Variants in SLC35F1 observed in about 807,000 individuals in gnomAD.
SLC35F1 encodes chromosome 6 open reading frame 169.
In SLC35F1, 14 loss-of-function variants were observed where a neutral mutation model predicts 48.7. The ratio of observed to expected loss-of-function variants is 0.29; its 90% CI spans 0.19 to 0.45. The LOEUF is 0.45. Ranked by LOEUF, SLC35F1 falls within the 20% of genes least tolerant of loss-of-function variation. The pLI is 1.00. For missense variants in SLC35F1, 404 were observed against 500.0 expected (o/e 0.81, Z 1.83); for synonymous variants, 190 against 202.2 (o/e 0.94, Z 0.51).
intron 2 of SLC35F1, among the ~76,000 whole-genome samples, chr6:118,196,196 G>A (rs1406006849): frequency 6.6e-6 from 1 of 152,220 alleles, no homozygotes; most frequent in Non-Finnish European, 1.5e-5. Context: ...AGCAGTGAGT[G>A]AGTGGTTGAA....
chr6:118,144,668 C>A (rs972688079), intron 1 of SLC35F1, among the ~76,000 whole-genome samples: 1 of 150,774 alleles, frequency 6.6e-6, no homozygotes, highest in Non-Finnish European at 1.5e-5. Flanking sequence ...GTTCACATCC[C>A]AGGGGGATAT....
chr6:118,189,492 G>A (rs769256804), intron 2 of SLC35F1, among the ~76,000 whole-genome samples: 12 of 152,044 alleles, frequency 7.9e-5, no homozygotes, highest in Admixed American at 7.2e-4. Flanking sequence ...CTGTATAAAT[G>A]TCTTACTATA....
intron 1 of SLC35F1, among the ~76,000 whole-genome samples, chr6:118,152,583 C>G (rs561451262): frequency 6.6e-5 from 10 of 152,302 alleles, no homozygotes; most frequent in Admixed American, 2.6e-4. Context: ...GGCTGGATTT[C>G]TCTTTTTTCC....
chr6:117,949,664 G>A (rs1279549937), intron 1 of SLC35F1, among the ~76,000 whole-genome samples: 1 of 152,042 alleles, frequency 6.6e-6, no homozygotes, highest in Non-Finnish European at 1.5e-5. Flanking sequence ...TCGCCTTCAG[G>A]TTGGACACAG....
chr6:118,300,648 G>C (rs536943192), intron 7 of SLC35F1, among the ~76,000 whole-genome samples: 1 of 152,224 alleles, frequency 6.6e-6, no homozygotes, highest in South Asian at 2.1e-4. Flanking sequence ...AATGGTTTAT[G>C]ATCAGTTTTA....
chr6:117,951,996 G>A lies in SLC35F1; in HGVS notation c.173+44097G>A, dbSNP rs578035445. Among the ~76,000 whole-genome samples, 7 of 152,360 alleles carry A rather than the reference G, an allele frequency of 4.6e-5. No homozygotes were observed. The South Asian group carries it at 1.5e-3, about 32-fold the overall frequency. On this transcript the variant is annotated intron_variant, in intron 1 of 7. Coordinates refer to ENST00000360388, the MANE Select transcript of SLC35F1 (RefSeq NM_001029858.4). The stretch of plus-strand genomic sequence containing the variant: ...CTGGAGTGAATGCTGCCTGAGTTGT[G>A]GCTGCCAGCCGGCAGCCTGCCTCAT...
Position 118,267,148 on chromosome 6 carries a change from G to A in SLC35F1, c.631G>A (p.Gly211Arg). The change falls in exon 4 of 8, where the codon GGA becomes AGA. Residue 211 changes from glycine to arginine, a missense_variant. Physicochemically the swap from Gly to Arg is moderately radical, Grantham distance 125. Transcript: ENST00000360388. ...AGATGTGCTTGTGGGAAGACATCAGGGAGCAGGTGAGTCTTCGGATGTTCA... is the reference window on the plus strand; with the variant it reads ...AGATGTGCTTGTGGGAAGACATCAGAGAGCAGGTGAGTCTTCGGATGTTCA... ...GADVLVGRHQ[G>R]AGENKLVGDL... The A allele has an allele frequency of 6.2e-7, 1 of 1,613,928 alleles. No individual in the cohort carries two copies. Among genetic ancestry groups the A allele is most frequent in the Non-Finnish European group, 8.5e-7 (1 of 1,179,860 alleles).
intron 1 of SLC35F1, among the ~76,000 whole-genome samples, chr6:117,977,246 G>C (rs552067777): frequency 4.6e-4 from 69 of 150,756 alleles, no homozygotes; most frequent in Non-Finnish European, 9.6e-4. Flanking sequence ...ACCCAGGCTG[G>C]AGTGCAATGG....
At chr6:118,125,813 C>T (rs1773616149) in intron 1 of SLC35F1, among the ~76,000 whole-genome samples, 1 of 152,190 alleles carries the variant, frequency 6.6e-6, no homozygotes, top group African/African-American at 2.4e-5. Flanking sequence ...TAATATGTGA[C>T]CTCATTGATA....
intron 1 of SLC35F1, among the ~76,000 whole-genome samples, chr6:118,081,696 G>C (rs186294955): frequency 6.6e-6 from 1 of 152,156 alleles, no homozygotes; most frequent in African/African-American, 2.4e-5. Context: ...TCTGCAAATG[G>C]TATAATCTGG....
At chr6:118,006,064 A>G (rs559846044) in intron 1 of SLC35F1, among the ~76,000 whole-genome samples, 1 of 152,336 alleles carries the variant, frequency 6.6e-6, no homozygotes, top group East Asian at 1.9e-4. Flanking sequence ...CCCTGAGGGA[A>G]AAATCTATGA....
At chr6:118,168,145 CCTCTTGCCCCAACTAT>C (rs1774346592) in intron 2 of SLC35F1, among the ~76,000 whole-genome samples, 1 of 152,178 alleles carries the variant, frequency 6.6e-6, no homozygotes, top group Non-Finnish European at 1.5e-5. Flanking sequence ...CTTCCCCTCA[CCTCTTGCCCCAACTAT>C]CTCTCTTGGA....
At chr6:118,130,566 GA>G (rs1418239939) in intron 1 of SLC35F1, among the ~76,000 whole-genome samples, 1 of 152,136 alleles carries the variant, frequency 6.6e-6, no homozygotes, top group East Asian at 1.9e-4. Context: ...TGTAATTCAA[GA>G]AAAGTTACTA....
chr6:118,049,563 C>G (rs1562274623), intron 1 of SLC35F1, among the ~76,000 whole-genome samples: 1 of 151,542 alleles, frequency 6.6e-6, no homozygotes. Context: ...AGGATATGAA[C>G]AGACACTTCT....
rs145880824 is a variant in SLC35F1 at position 118,249,789 on chromosome 6, G to A, written c.477+14153G>A. 4.6e-4 allele frequency among the ~76,000 whole-genome samples: 70 copies of A among 152,208 alleles called. 1 individual carries two copies. The East Asian group carries it at 0.01, about 23-fold the overall frequency. ...TGTTTATGTCTTCTGAGTTGGGGCCGTTTCTAATTCAAGAGCCTTTGAACA... is the reference window on the plus strand; with the variant it reads ...TGTTTATGTCTTCTGAGTTGGGGCCATTTCTAATTCAAGAGCCTTTGAACA... On this transcript the variant is annotated intron_variant, in intron 3 of 7. Coordinates refer to ENST00000360388, the MANE Select transcript of SLC35F1 (RefSeq NM_001029858.4).
At chr6:118,089,437 T>C (rs1773040316) in intron 1 of SLC35F1, among the ~76,000 whole-genome samples, 1 of 152,204 alleles carries the variant, frequency 6.6e-6, no homozygotes. Flanking sequence ...AGCCTTTTGC[T>C]AAAGGAATTA....
At chr6:117,995,938 A>T (rs1315674585) in intron 1 of SLC35F1, among the ~76,000 whole-genome samples, 7 of 152,148 alleles carry the variant, frequency 4.6e-5, no homozygotes, top group African/African-American at 7.2e-5. Flanking sequence ...CACAAGAGCA[A>T]ATTACTATTG....
intron 1 of SLC35F1, among the ~76,000 whole-genome samples, chr6:118,030,441 A>T (rs878858668): frequency 6.6e-6 from 1 of 152,232 alleles, no homozygotes. Flanking sequence ...TGGTCAGAGT[A>T]GTTTCTCATC....
chr6:118,017,289 C>A (rs941702145), intron 1 of SLC35F1, among the ~76,000 whole-genome samples: 3 of 152,172 alleles, frequency 2.0e-5, no homozygotes, highest in East Asian at 1.9e-4. Context: ...AAGGGGCAAG[C>A]AAATCCATAC....
Sources: allele counts gnomAD v4.1 joint callset (sites outside exome capture counted in the v4.1 genomes callset), GRCh38; gene constraint gnomAD v4.1.1; transcripts MANE v1.5; gene names NCBI Gene and HGNC (gene_info 2026-07-23, HGNC 2026-07-21).